The following PIK3C2A variants were observed in gnomAD, a reference collection of about 807,000 sequenced individuals.
PIK3C2A encodes the protein phosphatidylinositol 4-phosphate 3-kinase C2 domain-containing subunit alpha.
In PIK3C2A, 97 loss-of-function variants were observed where a neutral mutation model predicts 204.5. The observed-to-expected ratio is 0.47, with a 90% confidence interval of 0.40 to 0.56. The LOEUF is 0.56. PIK3C2A is among the 20% of genes least tolerant of loss of function. The pLI is 0.00. For missense variants in PIK3C2A, 1,735 were observed against 1,969.2 expected (o/e 0.88, Z 2.25); for synonymous variants, 653 against 664.4 (o/e 0.98, Z 0.26).
rs1247715491 is a variant in PIK3C2A, at chr11:17,087,297, ATAG to A, written c.*2438_*2440del. 6.0e-5 allele frequency: 9 copies of A among 149,482 alleles called. No homozygotes were observed. Among genetic ancestry groups the A allele is most frequent in the Non-Finnish European group, 9.0e-5 (6 of 66,868 alleles). The allele number at this position is 149,482 out of a possible 1,614,324, so 9.3% of individuals were successfully genotyped here. ...AATCCAACTGATTTAAAATTTATTG[ATAG>A]TAGTAGTGCAAAGAGGCTCCACTCT... On this transcript the variant is annotated 3_prime_UTR_variant, in exon 33 of 33. Transcript: ENST00000691414.
chr11:17,138,548 A>G (rs1217862266), intron 8 of PIK3C2A, among the ~76,000 whole-genome samples: 1 of 152,128 alleles, frequency 6.6e-6, no homozygotes, highest in Non-Finnish European at 1.5e-5. Context: ...CAGTCCTCAG[A>G]GTGTTTTACT....
At chr11:17,166,236 A>T (rs551257516) in intron 2 of PIK3C2A, among the ~76,000 whole-genome samples, 257 of 150,122 alleles carry the variant, frequency 1.7e-3, no homozygotes, top group African/African-American at 5.9e-3. Flanking sequence ...CTCAGTGATT[A>T]AAAAAAAAAT....
At chr11:17,137,688 C>T (rs556221086) in intron 8 of PIK3C2A, among the ~76,000 whole-genome samples, 58 of 152,218 alleles carry the variant, frequency 3.8e-4, no homozygotes, top group Admixed American at 1.4e-3. Flanking sequence ...GGATGACAGG[C>T]GTGAGCCACT....
rs539817625 is a variant in PIK3C2A at position 17,093,872 on chromosome 11, A to T, written c.4451+389T>A. Among the ~76,000 whole-genome samples the T allele has an allele frequency of 3.4e-3, 511 of 151,662 alleles. 1 individual carries two copies. The highest frequency in any genetic ancestry group is 6.3e-3 in the Non-Finnish European group (427 of 67,898). ...GGCTAGTCTCCAACTCCTGGACTCA[A>T]GGTATCTCCCTGCCTCGGCCTCCCA... On this transcript the variant is annotated intron_variant, in intron 28 of 32. Transcript: ENST00000691414.
intron 21 of PIK3C2A, among the ~76,000 whole-genome samples, chr11:17,111,592 C>T (rs148812492): frequency 4.0e-4 from 61 of 151,994 alleles, no homozygotes; most frequent in African/African-American, 1.4e-3. Flanking sequence ...AATATTAAAA[C>T]TTGGCTGGGC....
chr11:17,101,824 C>G (rs755954329), intron 24 of PIK3C2A, among the ~76,000 whole-genome samples: 1 of 151,674 alleles, frequency 6.6e-6, no homozygotes, highest in South Asian at 2.1e-4. Flanking sequence ...AGGATGGTCT[C>G]GATCTCCTGA....
chr11:17,184,083 C>T (rs1284657884), intron 1 of PIK3C2A, among the ~76,000 whole-genome samples: 5 of 152,004 alleles, frequency 3.3e-5, no homozygotes, highest in Non-Finnish European at 7.4e-5. Flanking sequence ...GATCATGCCA[C>T]TGTACCTCTT....
At position 17,119,964 on chromosome 11, in the gene PIK3C2A, CTT is replaced by C; in HGVS notation, c.2666_2667del (p.Lys889ArgfsTer3). The part of the protein sequence containing the change: ...LHKDSSLGLS[K>X]EDKAFLWEKR... ...TTCTCCCATAAAAAAGCTTTATCTT[CTT>C]TAGAAAGTCTGCATATATAATAGAA... On this transcript the variant is annotated frameshift_variant, in exon 16 of 33. Coordinates refer to ENST00000691414, the MANE Select transcript of PIK3C2A (RefSeq NM_002645.4). LOFTEE classifies it high-confidence loss of function. 1 of 1,520,404 alleles carries C rather than the reference CTT, an allele frequency of 6.6e-7. No homozygotes were observed. Among genetic ancestry groups the C allele is most frequent in the Non-Finnish European group, 9.1e-7 (1 of 1,103,824 alleles). 94.2% of individuals were successfully genotyped at this position (1,520,404 alleles called of 1,614,324 possible).
intron 2 of PIK3C2A, among the ~76,000 whole-genome samples, chr11:17,158,412 T>C (rs1850673325): frequency 6.7e-6 from 1 of 150,320 alleles, no homozygotes; most frequent in Admixed American, 6.6e-5. Flanking sequence ...GGCATTCATT[T>C]ATATACTTAT....
At chr11:17,094,806 G>A (rs1386417086) in intron 27 of PIK3C2A, among the ~76,000 whole-genome samples, 1 of 152,176 alleles carries the variant, frequency 6.6e-6, no homozygotes, top group Non-Finnish European at 1.5e-5. Context: ...GAAATTTATA[G>A]CTTAATTGTT....
intron 8 of PIK3C2A, 78 bp from the exon 9 acceptor site, chr11:17,136,703 GAT>G: frequency 1.5e-6 from 1 of 682,840 alleles, no homozygotes; most frequent in Non-Finnish European, 2.4e-6. Context: ...TCAGAAACTA[GAT>G]ATCTTAGATA....
chr11:17,120,522 A>G (rs1487872624), intron 15 of PIK3C2A, among the ~76,000 whole-genome samples: 5 of 151,786 alleles, frequency 3.3e-5, no homozygotes, highest in Admixed American at 3.3e-4. Flanking sequence ...ATACATATAC[A>G]TGCACTGAAA....
intron 8 of PIK3C2A, chr11:17,138,328 T>C (rs1224468471): frequency 1.1e-5 from 3 of 267,064 alleles, no homozygotes; most frequent in Non-Finnish European, 7.4e-6. Context: ...CAGCTTCCTT[T>C]TTTTTTTTTT....
chr11:17,137,945 T>TA (rs1467493365), intron 8 of PIK3C2A: 1 of 454,036 alleles, frequency 2.2e-6, no homozygotes, highest in African/African-American at 2.0e-5. Flanking sequence ...AAAAGTCTTT[T>TA]AATTTTTATT....
chr11:17,117,243 T>C (rs1305834585), intron 19 of PIK3C2A, among the ~76,000 whole-genome samples: 1 of 152,100 alleles, frequency 6.6e-6, no homozygotes, highest in Non-Finnish European at 1.5e-5. Context: ...AGAAAACAAT[T>C]TTCATCAGAA....
intron 20 of PIK3C2A, 53 bp from the exon 21 acceptor site, chr11:17,112,719 ATT>A: frequency 7.7e-6 from 7 of 913,118 alleles, no homozygotes; most frequent in South Asian, 4.1e-5. Flanking sequence ...TGGATTTAGA[ATT>A]TTTTTTTGTC....
At chr11:17,095,796 TC>T (rs1186964937) in intron 27 of PIK3C2A, among the ~76,000 whole-genome samples, 1 of 150,454 alleles carries the variant, frequency 6.6e-6, no homozygotes, top group Admixed American at 6.6e-5. Context: ...ATGCCTGTAG[TC>T]CCAGCTAGCC....
At chr11:17,201,798 A>G (rs962997103) in intron 1 of PIK3C2A, among the ~76,000 whole-genome samples, 6 of 152,280 alleles carry the variant, frequency 3.9e-5, no homozygotes, top group Middle Eastern at 3.4e-3. Flanking sequence ...ATTTTTTTAA[A>G]TAACTGAAGT....
chr11:17,115,179 G>T (rs1849138767), intron 19 of PIK3C2A, among the ~76,000 whole-genome samples: 1 of 151,804 alleles, frequency 6.6e-6, no homozygotes, highest in South Asian at 2.1e-4. Context: ...TAATGAAAAA[G>T]AACAAAGTAG....
Sources: allele counts gnomAD v4.1 joint callset (sites outside exome capture counted in the v4.1 genomes callset), GRCh38; gene constraint gnomAD v4.1.1; transcripts MANE v1.5; gene names NCBI Gene and HGNC (gene_info 2026-07-23, HGNC 2026-07-21).